IL33: variants seen among roughly 807,000 people sequenced by gnomAD.
IL33 encodes the protein interleukin 33.
Under a neutral mutation model 27.3 loss-of-function variants are expected in IL33, and 37 were observed. The ratio of observed to expected loss-of-function variants is 1.36; its 90% CI spans 1.04 to 1.78. The LOEUF (loss-of-function observed/expected upper bound fraction) is 1.78. Among genes scored for constraint, IL33 ranks in the 40% most tolerant of loss-of-function variants. The pLI is 0.00. For synonymous variants in IL33, 132 were observed against 102.9 expected (o/e 1.28, Z -1.71); for missense variants, 406 against 311.4 (o/e 1.30, Z -2.29).
At chr9:6,233,295 C>T (rs1819016423) in intron 1 of IL33, among the ~76,000 whole-genome samples, 1 of 152,140 alleles carries the variant, frequency 6.6e-6, no homozygotes, top group African/African-American at 2.4e-5. Flanking sequence ...AAGATTGAAG[C>T]CATTTTATAA....
intron 1 of IL33, among the ~76,000 whole-genome samples, chr9:6,237,349 T>G (rs1242721489): frequency 2.6e-5 from 4 of 152,228 alleles, no homozygotes; most frequent in Admixed American, 6.5e-5. Context: ...AGAAAATACT[T>G]TTTCAGAATA....
intron 1 of IL33, among the ~76,000 whole-genome samples, chr9:6,227,925 C>T (rs1485460230): frequency 1.3e-5 from 2 of 152,274 alleles, no homozygotes; most frequent in African/African-American, 4.8e-5. Flanking sequence ...GATTCCTCCA[C>T]CCCTTTCCTG....
At chr9:6,251,062 C>A in intron 3 of IL33, 78 bp from the exon 4 acceptor site, 1 of 1,554,016 alleles carries the variant, frequency 6.4e-7, no homozygotes, top group Non-Finnish European at 8.7e-7. Flanking sequence ...AGCAAGCAGC[C>A]TTAACTGGGA....
chr9:6,228,398 G>C (rs1818747907), intron 1 of IL33, among the ~76,000 whole-genome samples: 1 of 152,104 alleles, frequency 6.6e-6, no homozygotes, highest in African/African-American at 2.4e-5. Flanking sequence ...ACAAGATTCA[G>C]AATTTTTACA....
In IL33 at chr9:6,240,964, T is replaced by C. The variant is rs368898343; in HGVS notation, c.-11-720T>C. Among the ~76,000 whole-genome samples, 59 of 152,270 alleles carry C rather than the reference T, an allele frequency of 3.9e-4. 1 individual carries two copies. In the South Asian group the frequency reaches 0.012, roughly 31 times the overall value. On this transcript the variant is annotated intron_variant, in intron 1 of 7. Transcript: ENST00000682010. ...ACATTTTTAATTTTAATTTTTTACT[T>C]TTTACGCTTTTTCCTTAAAATCTAA...
At chr9:6,226,220 C>T (rs188130287) in intron 1 of IL33, among the ~76,000 whole-genome samples, 53 of 151,976 alleles carry the variant, frequency 3.5e-4, no homozygotes, top group Non-Finnish European at 6.6e-4. Context: ...CGCTATGTTG[C>T]CCAGGCTAGT....
At chr9:6,218,634 T>C (rs1564043564) in intron 1 of IL33, among the ~76,000 whole-genome samples, 1 of 146,472 alleles carries the variant, frequency 6.8e-6, no homozygotes, top group Non-Finnish European at 1.5e-5. Context: ...CCTATATATA[T>C]ATTTTTTCTC....
intron 2 of IL33, chr9:6,242,591 A>G (rs1819591251): frequency 6.6e-6 from 1 of 152,202 alleles, no homozygotes; most frequent in South Asian, 2.1e-4. Flanking sequence ...AGGATTTGAC[A>G]TTTTCAGCGA....
chr9:6,229,178 C>G (rs931737253), intron 1 of IL33, among the ~76,000 whole-genome samples: 1 of 152,130 alleles, frequency 6.6e-6, no homozygotes, highest in Non-Finnish European at 1.5e-5. Context: ...TTTCACATAC[C>G]CTCCTTGTTT....
intron 1 of IL33, among the ~76,000 whole-genome samples, chr9:6,229,747 A>G (rs1818833599): frequency 6.6e-6 from 1 of 152,224 alleles, no homozygotes; most frequent in Non-Finnish European, 1.5e-5. Context: ...CTGGGGAAAT[A>G]AAGATGACTA....
In IL33 at chr9:6,257,489, T is replaced by C. The variant is rs1005525964; in HGVS notation, c.*1321T>C. 1 of 152,650 alleles carries C rather than the reference T, an allele frequency of 6.6e-6. No individual in the cohort carries two copies. The highest frequency in any genetic ancestry group is 2.4e-5 in the African/African-American group (1 of 41,476). The allele number at this position is 152,650 out of a possible 1,614,324, so 9.5% of individuals were successfully genotyped here. On this transcript the variant is annotated 3_prime_UTR_variant, in exon 8 of 8. Transcript: ENST00000682010. ...TATTTTTTTGCTAAACGTTTTTGTTTTTTACTGTCACTAGGGCAATAAAAT... is the reference window on the plus strand; with the variant it reads ...TATTTTTTTGCTAAACGTTTTTGTTCTTTACTGTCACTAGGGCAATAAAAT...
chr9:6,226,298 G>C (rs1473537871), intron 1 of IL33, among the ~76,000 whole-genome samples: 1 of 152,046 alleles, frequency 6.6e-6, no homozygotes, highest in Non-Finnish European at 1.5e-5. Context: ...TATAAGGCTT[G>C]AGCCACCACC....
intron 1 of IL33, 86 bp downstream of exon 1, chr9:6,215,938 T>G (rs182964278): frequency 6.6e-5 from 10 of 152,052 alleles, no homozygotes; most frequent in Non-Finnish European, 5.9e-5. Flanking sequence ...TTTTTTTTTT[T>G]TCCTGAAAAA....
At chr9:6,220,182 T>C (rs201193120) in intron 1 of IL33, among the ~76,000 whole-genome samples, 29 of 152,184 alleles carry the variant, frequency 1.9e-4, no homozygotes, top group Non-Finnish European at 3.8e-4. Context: ...AACTAAGAAG[T>C]TCACCCACAA....
chr9:6,251,430 G>A (rs1816350396), intron 4 of IL33, among the ~76,000 whole-genome samples, 165 bp downstream of exon 4: 1 of 152,082 alleles, frequency 6.6e-6, no homozygotes, highest in African/African-American at 2.4e-5. Context: ...TCCAAAGTAG[G>A]TGCAAGGTAG....
chr9:6,235,141 G>A (rs1000184077), intron 1 of IL33, among the ~76,000 whole-genome samples: 3 of 152,086 alleles, frequency 2.0e-5, no homozygotes, highest in Non-Finnish European at 1.5e-5. Context: ...TCTGGGCTCA[G>A]GTGATCCTCC....
chr9:6,251,019 G>C (rs1285484106), intron 3 of IL33, 121 bp from the exon 4 acceptor site: 2 of 1,301,236 alleles, frequency 1.5e-6, no homozygotes, highest in Admixed American at 4.7e-5. Context: ...GGACCATGAA[G>C]TGGCCAAAGC....
chr9:6,256,303 T>G lies in IL33; in HGVS notation c.*135T>G, dbSNP rs1006572720. ...AGCATGTGTGGAATGTTTTCCATAT[T>G]ATGTATAAAAATATTTTTTCTAATC... On this transcript the variant is annotated 3_prime_UTR_variant, in exon 8 of 8. Transcript: ENST00000682010. 1.4e-5 allele frequency: 9 copies of G among 626,378 alleles called. No individual in the cohort carries two copies. The African/African-American group carries it at 1.5e-4, about 10-fold the overall frequency. 38.8% of individuals were successfully genotyped at this position (626,378 alleles called of 1,614,324 possible). A position where few individuals can be genotyped will look rare whatever the true frequency, so the allele number is the denominator to read the frequency against.
At chr9:6,247,439 T>G (rs1325662026) in intron 2 of IL33, among the ~76,000 whole-genome samples, 1 of 152,174 alleles carries the variant, frequency 6.6e-6, no homozygotes, top group Non-Finnish European at 1.5e-5. Flanking sequence ...ACGGAGTGAT[T>G]CACCTCTGTG....
Sources: gnomAD v4.1 joint callset for allele counts (sites outside exome capture counted in the v4.1 genomes callset) on GRCh38, gnomAD v4.1.1 for gene constraint, MANE v1.5 for transcripts, NCBI Gene and HGNC (gene_info 2026-07-23, HGNC 2026-07-21) for gene names.